Variants in NRG3 observed in about 807,000 individuals in gnomAD.
NRG3 encodes neuregulin 3.
A neutral mutation model predicts 66.9 loss-of-function variants in NRG3; 31 were observed. That is an observed-to-expected ratio of 0.46 (90% CI 0.35 to 0.63). NRG3 has a LOEUF of 0.63. Among genes scored for constraint, NRG3 ranks in the 20% least tolerant of loss-of-function variants. The pLI, the probability that NRG3 is intolerant of heterozygous loss-of-function variation, is 0.00. For synonymous variants in NRG3, 393 were observed against 359.4 expected (o/e 1.09, Z -1.06); for missense variants, 910 against 878.9 (o/e 1.04, Z -0.45).
intron 1 of NRG3, among the ~76,000 whole-genome samples, chr10:82,004,662 A>G (rs1478859863): frequency 6.6e-6 from 1 of 152,158 alleles, no homozygotes; most frequent in Non-Finnish European, 1.5e-5. Context: ...CAGTACCTCG[A>G]AGTATGACTA....
intron 2 of NRG3, among the ~76,000 whole-genome samples, chr10:82,375,979 G>C (rs2085203993): frequency 6.6e-6 from 1 of 152,138 alleles, no homozygotes; most frequent in African/African-American, 2.4e-5. Context: ...AATTAAGAAG[G>C]GTGTGACTGT....
intron 2 of NRG3, among the ~76,000 whole-genome samples, chr10:82,623,467 T>C (rs1030967301): frequency 3.9e-5 from 6 of 152,332 alleles, no homozygotes; most frequent in Non-Finnish European, 7.3e-5. Flanking sequence ...TTTCAGATTT[T>C]TACTTGCTTC....
At chr10:81,925,427 T>C (rs1846669995) in intron 1 of NRG3, among the ~76,000 whole-genome samples, 1 of 152,208 alleles carries the variant, frequency 6.6e-6, no homozygotes, top group South Asian at 2.1e-4. Context: ...TAACATGGCA[T>C]GATGTGGAAG....
chr10:82,362,547 G>GTTTTTTTTTTTTTTTTT (rs1564840163), intron 2 of NRG3, among the ~76,000 whole-genome samples: 3 of 47,268 alleles, frequency 6.3e-5, no homozygotes, highest in Non-Finnish European at 6.4e-5. Flanking sequence ...ATAATTTCTG[G>GTTTTTTTTTTTTTTTTT]GTTTTTTTTT....
intron 1 of NRG3, among the ~76,000 whole-genome samples, chr10:82,187,554 G>T (rs1044907674): frequency 5.9e-5 from 9 of 152,126 alleles, no homozygotes; most frequent in African/African-American, 1.7e-4. Flanking sequence ...GAGTGAGAAG[G>T]ATAAAACCCA....
At chr10:82,581,970 C>G (rs748558861) in intron 2 of NRG3, among the ~76,000 whole-genome samples, 2 of 151,936 alleles carry the variant, frequency 1.3e-5, no homozygotes, top group Non-Finnish European at 2.9e-5. Flanking sequence ...CATATATTAA[C>G]TTTTTGTTTG....
chr10:82,813,203 C>CT (rs2061564341), intron 3 of NRG3, among the ~76,000 whole-genome samples: 1 of 134,930 alleles, frequency 7.4e-6, no homozygotes, highest in South Asian at 2.4e-4. Context: ...TTCATACCCT[C>CT]TGTTTCTCTT....
chr10:82,381,837 G>A (rs1411750696), intron 2 of NRG3, among the ~76,000 whole-genome samples: 5 of 152,104 alleles, frequency 3.3e-5, no homozygotes, highest in African/African-American at 4.8e-5. Context: ...AGGTGATAAT[G>A]CAGCAAGGCC....
chr10:82,283,584 A>G (rs2079241698), intron 1 of NRG3, among the ~76,000 whole-genome samples: 1 of 152,174 alleles, frequency 6.6e-6, no homozygotes, highest in Non-Finnish European at 1.5e-5. Context: ...ATAAGAAAAC[A>G]TGCACACACT....
intron 1 of NRG3, among the ~76,000 whole-genome samples, chr10:82,040,331 G>A (rs1460565376): frequency 6.6e-6 from 1 of 151,738 alleles, no homozygotes; most frequent in Non-Finnish European, 1.5e-5. Flanking sequence ...ATACCCATAT[G>A]TATACACATG....
At chr10:82,866,140 G>C (rs1338644090) in intron 4 of NRG3, among the ~76,000 whole-genome samples, 1 of 152,098 alleles carries the variant, frequency 6.6e-6, no homozygotes, top group Non-Finnish European at 1.5e-5. Flanking sequence ...ATGCATCGTA[G>C]TACATGGATG....
intron 2 of NRG3, among the ~76,000 whole-genome samples, chr10:82,464,402 G>T (rs1030630856): frequency 1.3e-5 from 2 of 152,158 alleles, no homozygotes; most frequent in Non-Finnish European, 2.9e-5. Context: ...TGACTCGATG[G>T]GGGGAAGGCT....
chr10:82,276,457 A>G (rs748632604), intron 1 of NRG3, among the ~76,000 whole-genome samples: 2 of 152,072 alleles, frequency 1.3e-5, no homozygotes, highest in South Asian at 4.1e-4. Flanking sequence ...ATTGGCTGAC[A>G]TGTTTATAAA....
In NRG3 at chr10:82,300,688, A is replaced by G. The variant is rs547457953; in HGVS notation, c.824-58051A>G. The stretch of plus-strand genomic sequence containing the variant: ...AAATGGTAGGGAAATTTATATCTAC[A>G]GAAAATCACAAGCTAATAAAGAGTT... On this transcript the variant is annotated intron_variant, in intron 1 of 8. Coordinates refer to ENST00000372141, the MANE Select transcript of NRG3 (RefSeq NM_001010848.4). Among the ~76,000 whole-genome samples, 9 of 152,340 alleles carry G rather than the reference A, an allele frequency of 5.9e-5. No individual in the cohort carries two copies. In the South Asian group the frequency reaches 1.7e-3, roughly 28 times the overall value.
intron 1 of NRG3, among the ~76,000 whole-genome samples, chr10:82,109,565 GTGTGTGTGTGTGTATA>G (rs1335571931): frequency 8.9e-5 from 12 of 134,908 alleles, no homozygotes; most frequent in African/African-American, 3.3e-4. Context: ...GTGTGTGTGT[GTGTGTGTGTGTGTATA>G]TATATATTTT....
intron 1 of NRG3, among the ~76,000 whole-genome samples, chr10:82,229,578 G>A (rs1056097050): frequency 6.6e-6 from 1 of 152,158 alleles, no homozygotes; most frequent in Non-Finnish European, 1.5e-5. Context: ...GGAGGCCTCA[G>A]GAAACTTACA....
chr10:82,770,380 C>G (rs1274368935), intron 3 of NRG3, among the ~76,000 whole-genome samples: 1 of 152,064 alleles, frequency 6.6e-6, no homozygotes, highest in Non-Finnish European at 1.5e-5. Context: ...TTTCCAAAAC[C>G]CTGTTGTGAA....
At chr10:82,216,789 A>G (rs746544881) in intron 1 of NRG3, among the ~76,000 whole-genome samples, 4 of 152,094 alleles carry the variant, frequency 2.6e-5, no homozygotes, top group Non-Finnish European at 5.9e-5. Context: ...AAATGTTTTT[A>G]CCAGTATTAT....
At chr10:82,276,098 C>T (rs534561398) in intron 1 of NRG3, among the ~76,000 whole-genome samples, 2 of 152,012 alleles carry the variant, frequency 1.3e-5, no homozygotes, top group South Asian at 2.1e-4. Context: ...ACAATAAGTT[C>T]GTTTTATTCA....
Sources: gnomAD v4.1 joint callset for allele counts (sites outside exome capture counted in the v4.1 genomes callset) on GRCh38, gnomAD v4.1.1 for gene constraint, MANE v1.5 for transcripts, NCBI Gene and HGNC (gene_info 2026-07-23, HGNC 2026-07-21) for gene names.